FOXN3: variants seen among roughly 807,000 people sequenced by gnomAD.
FOXN3 encodes forkhead box N3, also known as forkhead box protein N3.
FOXN3 carries 7 observed loss-of-function variants against 38.4 expected under a neutral mutation model. The observed-to-expected ratio is 0.18, with a 90% confidence interval of 0.10 to 0.34. FOXN3 has a LOEUF of 0.34. Ranked by LOEUF, FOXN3 falls within the 10% of genes least tolerant of loss-of-function variation. FOXN3 has a pLI of 1.00. For synonymous variants in FOXN3, 230 were observed against 242.2 expected (o/e 0.95, Z 0.47); for missense variants, 456 against 613.4 (o/e 0.74, Z 2.71).
At chr14:89,485,302 C>T (rs76466931) in intron 1 of FOXN3, among the ~76,000 whole-genome samples, 2,251 of 152,244 alleles carry the variant, frequency 0.015, 54 homozygotes, top group African/African-American at 0.052. Flanking sequence ...CTGACTACAG[C>T]CCCAGCCCTC....
At chr14:89,464,841 C>G (rs10141195) in intron 1 of FOXN3, among the ~76,000 whole-genome samples, 29,202 of 151,850 alleles carry the variant, frequency 0.19, 3,053 homozygotes, top group South Asian at 0.35. Context: ...GGGATTACAG[C>G]TGCCCACCAC....
chr14:89,169,978 T>C (rs1887346406), intron 5 of FOXN3, among the ~76,000 whole-genome samples: 1 of 152,202 alleles, frequency 6.6e-6, no homozygotes, highest in Non-Finnish European at 1.5e-5. Flanking sequence ...AGAAGCCATG[T>C]GCTGTTTGCA....
chr14:89,458,199 C>T (rs1399135778), intron 1 of FOXN3, among the ~76,000 whole-genome samples: 1 of 152,106 alleles, frequency 6.6e-6, no homozygotes, highest in Non-Finnish European at 1.5e-5. Flanking sequence ...TCCACCCAGG[C>T]CCTCTAAGGC....
chr14:89,283,946 C>T (rs1258160725), intron 3 of FOXN3, among the ~76,000 whole-genome samples: 1 of 152,074 alleles, frequency 6.6e-6, no homozygotes, highest in Admixed American at 6.5e-5. Flanking sequence ...CTGCAACCTC[C>T]ACCTGCCAGG....
At chr14:89,589,273 A>C (rs1644921424) in intron 1 of FOXN3, among the ~76,000 whole-genome samples, 1 of 152,196 alleles carries the variant, frequency 6.6e-6, no homozygotes, top group Admixed American at 6.5e-5. Flanking sequence ...TTCTCTCCAG[A>C]CCACTACCCA....
intron 1 of FOXN3, among the ~76,000 whole-genome samples, chr14:89,556,111 C>G (rs1895118171): frequency 6.6e-6 from 1 of 152,048 alleles, no homozygotes; most frequent in African/African-American, 2.4e-5. Context: ...AGCCTAAAGA[C>G]AAGCATCAGA....
chr14:89,233,623 C>T (rs890628192), intron 4 of FOXN3, among the ~76,000 whole-genome samples: 5 of 152,160 alleles, frequency 3.3e-5, no homozygotes, highest in African/African-American at 1.2e-4. Context: ...CCAGTAAACA[C>T]AGTCTAATGG....
intron 3 of FOXN3, among the ~76,000 whole-genome samples, chr14:89,339,520 C>A (rs1380846237): frequency 6.6e-6 from 1 of 152,174 alleles, no homozygotes; most frequent in African/African-American, 2.4e-5. Flanking sequence ...GTGGTTCTCT[C>A]GGATCCTGCT....
At position 89,272,579 on chromosome 14, in the gene FOXN3, C is replaced by T. The variant is rs530587742; in HGVS notation, c.745+8371G>A. ...TTAGAAACAAAAATTAAGCTGCGAG[C>T]GGTGGCTCACGCCTGTAATCCCAAC... On this transcript the variant is annotated intron_variant, in intron 4 of 5. Coordinates refer to ENST00000557258, the MANE Select transcript of FOXN3 (RefSeq NM_005197.4). 1.5e-4 allele frequency among the ~76,000 whole-genome samples: 23 copies of T among 151,992 alleles called. No homozygotes were observed. The South Asian group carries it at 4.2e-3, about 28-fold the overall frequency.
intron 1 of FOXN3, among the ~76,000 whole-genome samples, chr14:89,602,175 G>C (rs1896164888): frequency 6.6e-6 from 1 of 151,990 alleles, no homozygotes. Flanking sequence ...TGTGGTCCCA[G>C]CTATTTGGGA....
intron 1 of FOXN3, among the ~76,000 whole-genome samples, chr14:89,611,166 A>T (rs994779540): frequency 9.9e-5 from 15 of 152,148 alleles, no homozygotes; most frequent in African/African-American, 3.6e-4. Flanking sequence ...CCCCAACCTA[A>T]CTTCGTCTCT....
intron 2 of FOXN3, chr14:89,401,713 T>C (rs1891252572): frequency 2.2e-6 from 1 of 454,368 alleles, no homozygotes. Flanking sequence ...TAGGTGGGTG[T>C]TTTCTGTCTA....
At chr14:89,544,468 T>C (rs574641544) in intron 1 of FOXN3, among the ~76,000 whole-genome samples, 22 of 152,272 alleles carry the variant, frequency 1.4e-4, no homozygotes, top group Admixed American at 1.4e-3. Flanking sequence ...AATCTCCTTT[T>C]GCTAACATCT....
At chr14:89,487,678 T>C (rs1181146172) in intron 1 of FOXN3, among the ~76,000 whole-genome samples, 2 of 152,162 alleles carry the variant, frequency 1.3e-5, no homozygotes, top group Admixed American at 1.3e-4. Context: ...CATGGAGGGA[T>C]GAAGAGTCAG....
chr14:89,158,601 AGGAGCTTAT>A lies in FOXN3; in HGVS notation c.*3804_*3812del, dbSNP rs1445180811. ...ACTGATTAGGGAGGGGCAGGGAAGTAGGAGCTTATGGTATATTATAAGGCTGGGAAAAAT... is the reference window on the plus strand; with the variant it reads ...ACTGATTAGGGAGGGGCAGGGAAGTAGGTATATTATAAGGCTGGGAAAAAT... On this transcript the variant is annotated 3_prime_UTR_variant, in exon 6 of 6. Transcript: ENST00000557258. 1 of 152,650 alleles carries A rather than the reference AGGAGCTTAT, an allele frequency of 6.6e-6. No individual in the cohort carries two copies. The highest frequency in any genetic ancestry group is 1.9e-4 in the East Asian group (1 of 5,202). 9.5% of individuals were successfully genotyped at this position (152,650 alleles called of 1,614,324 possible).
intron 4 of FOXN3, among the ~76,000 whole-genome samples, chr14:89,224,926 C>G (rs1422469709): frequency 2.0e-5 from 3 of 151,552 alleles, no homozygotes; most frequent in Non-Finnish European, 4.4e-5. Context: ...GTCAGGAGAT[C>G]GAGACCATCC....
At chr14:89,401,760 CGAG>C in intron 2 of FOXN3, 1 of 420,952 alleles carries the variant, frequency 2.4e-6, no homozygotes. Context: ...TCCTGTCCCT[CGAG>C]GAGGACAGTC....
At chr14:89,501,014 T>A (rs1432504835) in intron 1 of FOXN3, among the ~76,000 whole-genome samples, 2 of 152,188 alleles carry the variant, frequency 1.3e-5, no homozygotes, top group African/African-American at 4.8e-5. Context: ...TCCCTCTATC[T>A]CTGCATGGAA....
chr14:89,196,217 G>C (rs920639282), intron 4 of FOXN3, among the ~76,000 whole-genome samples: 1 of 152,166 alleles, frequency 6.6e-6, no homozygotes, highest in Non-Finnish European at 1.5e-5. Context: ...ATGCTGCAGG[G>C]AGACAAACAG....
Sources: allele counts gnomAD v4.1 joint callset (sites outside exome capture counted in the v4.1 genomes callset), GRCh38; gene constraint gnomAD v4.1.1; transcripts MANE v1.5; gene names NCBI Gene and HGNC (gene_info 2026-07-23, HGNC 2026-07-21).